The following INSRR variants were observed in gnomAD, a reference collection of about 807,000 sequenced individuals.
INSRR encodes insulin receptor-related protein.
A neutral mutation model predicts 130.0 loss-of-function variants in INSRR; 114 were observed. The observed-to-expected ratio is 0.88, with a 90% CI of 0.75 to 1.02. The LOEUF (loss-of-function observed/expected upper bound fraction) is 1.02, where lower values mean the gene tolerates loss of function less well. INSRR is among the 50% of genes least tolerant of loss of function. The pLI, the probability that INSRR is intolerant of heterozygous loss-of-function variation, is 0.00. For synonymous variants in INSRR, 674 were observed against 705.2 expected (o/e 0.96, Z 0.70); for missense variants, 1,657 against 1,735.2 (o/e 0.95, Z 0.80).
chr1:156,852,382 CT>C (rs1310971414), intron 2 of INSRR, among the ~76,000 whole-genome samples, 191 bp from the exon 3 acceptor site: 3 of 152,268 alleles, frequency 2.0e-5, no homozygotes, highest in Non-Finnish European at 4.4e-5. Flanking sequence ...CTGTGGCCGT[CT>C]GTGGCTCCCC....
chr1:156,849,730 G>C (rs1200095388), intron 5 of INSRR, among the ~76,000 whole-genome samples: 1 of 151,894 alleles, frequency 6.6e-6, no homozygotes, highest in Non-Finnish European at 1.5e-5. Context: ...TCCTTCCCTC[G>C]ACTCTCTTTG....
intron 5 of INSRR, among the ~76,000 whole-genome samples, chr1:156,850,722 T>A (rs1446512508): frequency 6.7e-6 from 1 of 149,958 alleles, no homozygotes; most frequent in Non-Finnish European, 1.5e-5. Context: ...GCCCATCTAC[T>A]TTTTTTGTAT....
At position 156,844,718 on chromosome 1, in the gene INSRR, G is replaced by T; in HGVS notation, c.2563C>A (p.Arg855Ser). The change falls in exon 13 of 22, where the codon CGC becomes AGC. Residue 855 changes from arginine to serine, a missense_variant. Coordinates refer to ENST00000368195, the MANE Select transcript of INSRR (RefSeq NM_014215.3). Reference sequence around the variant, plus strand: ...CCACGGGCACCTACCTCTCCCAAGCGGCGGTACTTGATTTCGTACTTGAGG... The same window carrying T: ...CCACGGGCACCTACCTCTCCCAAGCTGCGGTACTTGATTTCGTACTTGAGG... ...LILKYEIKYR[R>S]LGEEATVLCV... The T allele has an allele frequency of 6.2e-7, 1 of 1,614,132 alleles. No homozygotes were observed.
chr1:156,853,054 C>T (rs1655282534), intron 2 of INSRR, among the ~76,000 whole-genome samples: 1 of 152,114 alleles, frequency 6.6e-6, no homozygotes, highest in African/African-American at 2.4e-5. Context: ...CACCAGCCAT[C>T]CCTTTTCTTT....
chr1:156,851,183 T>G lies in INSRR; in HGVS notation c.1229+107A>C, dbSNP rs772513463. On this transcript the variant is annotated intron_variant, in intron 5 of 21. Coordinates refer to ENST00000368195, the MANE Select transcript of INSRR (RefSeq NM_014215.3). Reference sequence around the variant, plus strand: ...GTTAACCTACTTAGAGTCACACGCCTAGTGAGTAGCAAAATTGGTTCCAGA... The same window carrying G: ...GTTAACCTACTTAGAGTCACACGCCGAGTGAGTAGCAAAATTGGTTCCAGA... 1.1e-5 allele frequency: 14 copies of G among 1,262,158 alleles called. No homozygotes were observed. The South Asian group carries it at 1.6e-4, about 14-fold the overall frequency. 78.2% of individuals were successfully genotyped at this position (1,262,158 alleles called of 1,614,324 possible). A position where few individuals can be genotyped will look rare whatever the true frequency, so the allele number is the denominator to read the frequency against.
chr1:156,846,052 C>T lies in INSRR; in HGVS notation c.1878G>A (p.Lys626=). The T allele has an allele frequency of 6.2e-7, 1 of 1,613,030 alleles. No individual in the cohort carries two copies. Among genetic ancestry groups the T allele is most frequent in the Non-Finnish European group, 8.5e-7 (1 of 1,179,550 alleles). ...NSSSHLLVRW[K]PPTQRNGNLT... ...GGTTCCCATTGCGCTGGGTCGGTGG[C>T]TTCCAGCGCACCAGGAGGTGGGAGG... Residue 626 remains lysine, a synonymous_variant, in exon 9 of 22, where the codon AAG becomes AAA. Coordinates refer to ENST00000368195, the MANE Select transcript of INSRR (RefSeq NM_014215.3).
intron 15 of INSRR, 72 bp downstream of exon 15, chr1:156,844,103 C>G: frequency 3.6e-6 from 4 of 1,104,848 alleles, no homozygotes; most frequent in Non-Finnish European, 5.4e-6. Context: ...TCTCATCTAC[C>G]TCCCTTTGAC....
In INSRR at chr1:156,841,674, G is replaced by A. The variant is rs200304796; in HGVS notation, c.3518C>T (p.Ser1173Leu). 1.0e-4 allele frequency: 162 copies of A among 1,613,890 alleles called. No individual in the cohort carries two copies. Among genetic ancestry groups the A allele is most frequent in the Non-Finnish European group, 1.3e-4 (152 of 1,179,918 alleles). The change falls in exon 20 of 22, where the codon TCG becomes TTG. Residue 1173 changes from serine (S) to leucine (L), a missense_variant. Coordinates refer to ENST00000368195, the MANE Select transcript of INSRR (RefSeq NM_014215.3). ...SLKDGIFTTH[S>L]DVWSFGVVLW... is the part of the protein sequence containing the mutation. ...TCCAGCTCGGCCCCACCAGACATCC[G>A]AGTGGGTGGTGAAGATCCCATCTTT... is the stretch of plus-strand genomic sequence containing the variant.
Position 156,843,431 on chromosome 1 carries a change from A to G in INSRR, c.2892T>C (p.Ser964=), listed in dbSNP as rs750999073. Reference sequence around the variant, plus strand: ...TCCACCCACTCCCAGACCTACTATCAGAGGCGCTGAAGTACTCTGGATTCA... The same window carrying G: ...TCCACCCACTCCCAGACCTACTATCGGAGGCGCTGAAGTACTCTGGATTCA... ...ASVNPEYFSA[S]DMYVPDEWEV... The change falls in exon 16 of 22, where the codon TCT becomes TCC. Residue 964 remains serine (S), a synonymous_variant. Transcript: ENST00000368195. The G allele has an allele frequency of 3.3e-5, 54 of 1,613,990 alleles. No homozygotes were observed. Among genetic ancestry groups the G allele is most frequent in the Non-Finnish European group, 8.5e-6 (10 of 1,179,972 alleles).
At chr1:156,848,510 C>T (rs1655088020) in intron 7 of INSRR, among the ~76,000 whole-genome samples, 1 of 152,216 alleles carries the variant, frequency 6.6e-6, no homozygotes, top group Admixed American at 6.5e-5. Context: ...GCCCCTGCTC[C>T]CTCCCTTCCT....
At chr1:156,845,492 A>T (rs1169101179) in intron 10 of INSRR, 79 bp from the exon 11 acceptor site, 1 of 1,505,948 alleles carries the variant, frequency 6.6e-7, no homozygotes, top group African/African-American at 1.4e-5. Context: ...CGCCTCCAAA[A>T]GCACCCACAA....
At chr1:156,851,038 C>A in intron 5 of INSRR, 1 of 525,272 alleles carries the variant, frequency 1.9e-6, no homozygotes, top group South Asian at 2.0e-5. Flanking sequence ...ATACTGTGTT[C>A]CAGGCATTGT....
chr1:156,849,080 G>T (rs1300649050), intron 6 of INSRR, 33 bp from the exon 7 acceptor site: 2 of 1,602,392 alleles, frequency 1.2e-6, no homozygotes, highest in South Asian at 1.1e-5. Flanking sequence ...TCGCAACCGC[G>T]CCTGCCAGCT....
At chr1:156,848,702 T>G (rs759342334) in intron 7 of INSRR, among the ~76,000 whole-genome samples, 3 of 152,220 alleles carry the variant, frequency 2.0e-5, no homozygotes, top group Non-Finnish European at 4.4e-5. Context: ...AAGCCCTGTC[T>G]TCTCCATTTC....
At chr1:156,845,841 T>C in intron 9 of INSRR, 27 bp from the exon 10 acceptor site, 1 of 1,604,156 alleles carries the variant, frequency 6.2e-7, no homozygotes, top group Non-Finnish European at 8.5e-7. Flanking sequence ...AAGACACTAG[T>C]AAGACAGGCG....
chr1:156,859,023 G>A lies in INSRR; in HGVS notation c.-402C>T, dbSNP rs1428771490. Reference sequence around the variant, plus strand: ...TCCCAAGGAGGGCAGCGGGGGTCCCGGGGCGCGTGGGACTCCGCAGGGAGA... The same window carrying A: ...TCCCAAGGAGGGCAGCGGGGGTCCCAGGGCGCGTGGGACTCCGCAGGGAGA... On this transcript the variant is annotated 5_prime_UTR_variant, in exon 1 of 22. Coordinates refer to ENST00000368195, the MANE Select transcript of INSRR (RefSeq NM_014215.3). The surrounding 1 kb of genome is among the most constrained non-coding windows in gnomAD (Gnocchi z 6.2). 1 of 188,224 alleles carries A rather than the reference G, an allele frequency of 5.3e-6. No individual in the cohort carries two copies. The highest frequency in any genetic ancestry group is 1.1e-5 in the Non-Finnish European group (1 of 89,022). 11.7% of individuals were successfully genotyped at this position (188,224 alleles called of 1,614,324 possible).
intron 2 of INSRR, among the ~76,000 whole-genome samples, 158 bp from the exon 3 acceptor site, chr1:156,852,349 G>A (rs756723948): frequency 1.8e-4 from 28 of 152,244 alleles, no homozygotes; most frequent in Non-Finnish European, 3.1e-4. Flanking sequence ...GTTCCCCTCC[G>A]ATGGGATTCT....
chr1:156,850,502 C>T (rs12120840), intron 5 of INSRR, among the ~76,000 whole-genome samples: 12 of 149,746 alleles, frequency 8.0e-5, no homozygotes, highest in East Asian at 3.9e-4. Context: ...CAGGAGCCAC[C>T]GTGCCCGACC....
intron 6 of INSRR, 25 bp downstream of exon 6, chr1:156,849,221 A>G (rs1655118987): frequency 6.2e-7 from 1 of 1,611,166 alleles, no homozygotes; most frequent in East Asian, 2.2e-5. Context: ...CCGCGTGTCC[A>G]CCGGCACTGG....
Sources: gnomAD v4.1 joint callset for allele counts (sites outside exome capture counted in the v4.1 genomes callset) on GRCh38, gnomAD v4.1.1 for gene constraint, Gnocchi (gnomAD v3.1) non-coding constraint, MANE v1.5 for transcripts, NCBI Gene and HGNC (gene_info 2026-07-23, HGNC 2026-07-21) for gene names.